Variants in DAGLA observed in about 807,000 individuals in gnomAD.
DAGLA encodes diacylglycerol lipase-alpha.
DAGLA carries 22 observed loss-of-function variants against 102.6 expected under a neutral mutation model. That is an observed-to-expected ratio of 0.21 (90% CI 0.15 to 0.31). The LOEUF is 0.31. Ranked by LOEUF, DAGLA falls within the 10% of genes least tolerant of loss-of-function variation. The pLI is 1.00. For synonymous variants in DAGLA, 578 were observed against 628.9 expected (o/e 0.92, Z 1.21); for missense variants, 927 against 1,446.6 (o/e 0.64, Z 5.83).
At chr11:61,704,528 A>G (rs2065134494) in intron 1 of DAGLA, among the ~76,000 whole-genome samples, 1 of 152,014 alleles carries the variant, frequency 6.6e-6, no homozygotes, top group Non-Finnish European at 1.5e-5. Flanking sequence ...GGTTTCTGTG[A>G]CCTGCCTTGG....
Position 61,745,814 on chromosome 11 carries a change from C to G in DAGLA, c.*1325C>G, listed in dbSNP as rs963525923. 2.6e-5 allele frequency: 4 copies of G among 152,776 alleles called. No individual in the cohort carries two copies. The East Asian group carries it at 7.6e-4, about 29-fold the overall frequency. The allele number at this position is 152,776 out of a possible 1,614,324, so 9.5% of individuals were successfully genotyped here. ...TCTGGGGCTGCCCACCCTACCTGCC[C>G]TGCCTGCCTGCTGCCCCTCCCAGCC... On this transcript the variant is annotated 3_prime_UTR_variant, in exon 20 of 20. Transcript: ENST00000257215.
chr11:61,703,930 A>G (rs997677952), intron 1 of DAGLA, among the ~76,000 whole-genome samples: 13 of 152,226 alleles, frequency 8.5e-5, no homozygotes, highest in Non-Finnish European at 1.6e-4. Flanking sequence ...GGAATGGGCA[A>G]CTATGAAGAG....
At chr11:61,715,857 T>C (rs115279618) in intron 1 of DAGLA, among the ~76,000 whole-genome samples, 3,532 of 152,334 alleles carry the variant, frequency 0.023, 133 homozygotes, top group African/African-American at 0.08. Flanking sequence ...CCCCAGTCTG[T>C]TCTGACCACA....
chr11:61,738,541 C>G (rs921849991), intron 16 of DAGLA, among the ~76,000 whole-genome samples: 4 of 152,224 alleles, frequency 2.6e-5, no homozygotes, highest in Non-Finnish European at 5.9e-5. Flanking sequence ...AGAAAGCGAT[C>G]TGGAGGCTTT....
chr11:61,682,077 G>A (rs1591019242), intron 1 of DAGLA, among the ~76,000 whole-genome samples: 1 of 82,348 alleles, frequency 1.2e-5, no homozygotes, highest in African/African-American at 4.3e-5. Flanking sequence ...CAAGGTGGGT[G>A]CTTGGAGATG....
Position 61,728,209 on chromosome 11 carries a change from T to A in DAGLA, c.693T>A (p.Ile231=), listed in dbSNP as rs759959073. 2.2e-5 allele frequency: 36 copies of A among 1,614,150 alleles called. No homozygotes were observed. The highest frequency in any genetic ancestry group is 2.9e-5 in the Non-Finnish European group (34 of 1,180,008). Residue 231 remains isoleucine, a synonymous_variant, in exon 7 of 20, where the codon ATT becomes ATA. Transcript: ENST00000257215. ...LFAEFFRDLD[I]VPSDIIAGLV... is the part of the protein sequence containing the mutation. Reference sequence around the variant, plus strand: ...CGGAGTTCTTCCGGGACCTTGACATTGTGCCATCCGACATCATTGCTGGCC... The same window carrying A: ...CGGAGTTCTTCCGGGACCTTGACATAGTGCCATCCGACATCATTGCTGGCC...
chr11:61,705,191 C>T (rs1231987405), intron 1 of DAGLA, among the ~76,000 whole-genome samples: 11 of 152,230 alleles, frequency 7.2e-5, no homozygotes, highest in Non-Finnish European at 1.3e-4. Flanking sequence ...CCCAATTGCA[C>T]GGGCCAGACA....
rs1350687760 is a variant in DAGLA, at chr11:61,723,508, C to A, written c.484C>A (p.Arg162Ser). The A allele has an allele frequency of 6.2e-7, 1 of 1,614,136 alleles. No individual in the cohort carries two copies. Among genetic ancestry groups the A allele is most frequent in the Non-Finnish European group, 8.5e-7 (1 of 1,180,024 alleles). ...CCTCTGCGTCTTCGACCCCACGGGC[C>A]GCACCTTTGTCAAGCTGAGAGCCAC... ...TVLCVFDPTGRTFVKLRATKR... is the reference protein window; with the variant it reads ...TVLCVFDPTGSTFVKLRATKR... Residue 162 changes from arginine to serine, a missense_variant, in exon 5 of 20, where the codon CGC becomes AGC. Around this residue, in one of 4 missense-constraint regions of DAGLA, gnomAD observed 231 missense variants for 439.8 expected, o/e 0.53. Transcript: ENST00000257215.
chr11:61,713,769 T>TG (rs776879967), intron 1 of DAGLA, among the ~76,000 whole-genome samples: 20 of 152,282 alleles, frequency 1.3e-4, no homozygotes, highest in South Asian at 6.2e-4. Flanking sequence ...GGGGCACCAC[T>TG]GGGGGGCCCA....
intron 13 of DAGLA, 25 bp from the exon 14 acceptor site, chr11:61,737,157 C>T (rs769147534): frequency 6.2e-6 from 10 of 1,612,942 alleles, no homozygotes; most frequent in Non-Finnish European, 7.6e-6. Context: ...TGGGGCAGGG[C>T]TCTCAGGCTT....
intron 19 of DAGLA, among the ~76,000 whole-genome samples, chr11:61,742,224 G>A (rs1275899491): frequency 6.6e-6 from 1 of 152,190 alleles, no homozygotes; most frequent in Admixed American, 6.5e-5. Flanking sequence ...ACAGAGGCGT[G>A]CACACATGCT....
At chr11:61,688,006 A>G (rs1035625028) in intron 1 of DAGLA, among the ~76,000 whole-genome samples, 2 of 152,162 alleles carry the variant, frequency 1.3e-5, no homozygotes, top group Admixed American at 1.3e-4. Context: ...CCTTTGGGAA[A>G]GACATTGTAC....
At chr11:61,713,345 A>C (rs1236727225) in intron 1 of DAGLA, among the ~76,000 whole-genome samples, 14 of 152,208 alleles carry the variant, frequency 9.2e-5, no homozygotes, top group Admixed American at 5.9e-4. Flanking sequence ...CATCTGTCAA[A>C]TAAGGGGAAG....
intron 15 of DAGLA, 66 bp from the exon 16 acceptor site, chr11:61,738,068 CT>C (rs1202073208): frequency 1.1e-5 from 15 of 1,336,934 alleles, no homozygotes; most frequent in South Asian, 1.1e-4. Context: ...CCCTCCGCCC[CT>C]GGCCCCATAC....
At chr11:61,730,745 C>T (rs536166982) in intron 8 of DAGLA, among the ~76,000 whole-genome samples, 10 of 152,210 alleles carry the variant, frequency 6.6e-5, no homozygotes, top group Non-Finnish European at 1.0e-4. Context: ...AACGCAGCCC[C>T]TGCCCGGAGC....
chr11:61,728,427 TCA>T, intron 7 of DAGLA, 140 bp downstream of exon 7: 1 of 1,073,134 alleles, frequency 9.3e-7, no homozygotes, highest in Non-Finnish European at 1.3e-6. Context: ...ACCCTGGAGG[TCA>T]CCTTTACCTC....
intron 4 of DAGLA, 107 bp from the exon 5 acceptor site, chr11:61,723,327 A>G: frequency 4.1e-6 from 6 of 1,468,166 alleles, no homozygotes; most frequent in East Asian, 2.3e-5. Flanking sequence ...TTTTGTCCCC[A>G]GAAGCATTTG....
At chr11:61,695,972 C>T (rs558496189) in intron 1 of DAGLA, among the ~76,000 whole-genome samples, 37 of 152,328 alleles carry the variant, frequency 2.4e-4, no homozygotes, top group African/African-American at 8.9e-4. Context: ...CCACCTCCTT[C>T]CCCGCTGATG....
At chr11:61,730,480 G>C (rs1027416068) in intron 8 of DAGLA, among the ~76,000 whole-genome samples, 2 of 152,152 alleles carry the variant, frequency 1.3e-5, no homozygotes, top group South Asian at 2.1e-4. Flanking sequence ...CCTGATCAAG[G>C]TGCCACCTAT....
Sources: gnomAD v4.1 joint callset for allele counts (sites outside exome capture counted in the v4.1 genomes callset) on GRCh38, gnomAD v4.1.1 for gene constraint, gnomAD v4.1.1 regional missense constraint, MANE v1.5 for transcripts, NCBI Gene and HGNC (gene_info 2026-07-23, HGNC 2026-07-21) for gene names.